NHSL1: variants seen among roughly 807,000 people sequenced by gnomAD.
NHSL1 encodes the protein NHS like 1.
A neutral mutation model predicts 95.0 loss-of-function variants in NHSL1; 48 were observed. The ratio of observed to expected loss-of-function variants is 0.51; its 90% CI spans 0.40 to 0.64. NHSL1 has a LOEUF of 0.64. Among genes scored for constraint, NHSL1 ranks in the 30% least tolerant of loss-of-function variants. The pLI, the probability that NHSL1 is intolerant of heterozygous loss-of-function variation, is 0.00. For synonymous variants in NHSL1, 783 were observed against 833.9 expected (o/e 0.94, Z 1.05); for missense variants, 1,971 against 2,077.7 (o/e 0.95, Z 1.00).
intron 1 of NHSL1, among the ~76,000 whole-genome samples, chr6:138,653,477 C>T (rs1785117832): frequency 6.6e-6 from 1 of 152,054 alleles, no homozygotes; most frequent in Non-Finnish European, 1.5e-5. Flanking sequence ...TCACTTGAAC[C>T]CAGGAGGCGG....
Position 138,650,693 on chromosome 6 carries a change from G to C in NHSL1, c.96+41783C>G, listed in dbSNP as rs529847906. 108 of 553,828 alleles carry C rather than the reference G, an allele frequency of 2.0e-4. 2 individuals carry two copies. Among genetic ancestry groups the C allele is most frequent in the South Asian group, 1.5e-3 (106 of 71,346 alleles). 34.3% of individuals were successfully genotyped at this position (553,828 alleles called of 1,614,324 possible). A position where few individuals can be genotyped will look rare whatever the true frequency, so the allele number is the denominator to read the frequency against. On this transcript the variant is annotated intron_variant, in intron 1 of 3. Transcript: ENST00000491526. ...TCCAGCACATTGAGATGACATGCAGGGGGTGGGTCAACATGCGGGACACGC... is the reference window on the plus strand; with the variant it reads ...TCCAGCACATTGAGATGACATGCAGCGGGTGGGTCAACATGCGGGACACGC...
At chr6:138,475,973 A>G (rs1779044360) in intron 2 of NHSL1, among the ~76,000 whole-genome samples, 1 of 152,160 alleles carries the variant, frequency 6.6e-6, no homozygotes, top group Admixed American at 6.5e-5. Flanking sequence ...AAAAAACAAA[A>G]CAAAACAAAA....
chr6:138,546,510 G>A (rs1782808359), upstream of NHSL1, among the ~76,000 whole-genome samples: 1 of 151,060 alleles, frequency 6.6e-6, no homozygotes, highest in Non-Finnish European at 1.5e-5. Flanking sequence ...TTGGGAGGCT[G>A]AGGAGGGAGG....
Position 138,424,428 on chromosome 6 carries a change from A to ATGT in NHSL1, c.4473_4474insACA (p.Ser1491_Phe1492insThr), listed in dbSNP as rs946227456. On this transcript the variant is annotated inframe_insertion, in exon 8 of 8. Coordinates refer to ENST00000343505, the MANE Select transcript of NHSL1 (RefSeq NM_001144060.2). The surrounding 1 kb of genome is among the most constrained non-coding windows in gnomAD (Gnocchi z 5.9). ...CTGCGGCCGTACCTGGGGCCGGAAA[A>ATGT]GGACAGACTCCGAGGCATCAAGCCT... 7 of 1,550,174 alleles carry ATGT rather than the reference A, an allele frequency of 4.5e-6. No homozygotes were observed. In the Admixed American group the frequency reaches 7.9e-5, roughly 17 times the overall value.
chr6:138,464,263 C>A (rs1562296629), intron 3 of NHSL1: 7 of 806,298 alleles, frequency 8.7e-6, no homozygotes, highest in Non-Finnish European at 1.4e-5. Flanking sequence ...TCCTCTCTGC[C>A]CACTTCCTGC....
intron 1 of NHSL1, among the ~76,000 whole-genome samples, chr6:138,627,343 A>G (rs111364193): frequency 7.2e-5 from 11 of 152,338 alleles, no homozygotes; most frequent in African/African-American, 2.4e-4. Context: ...AATAGTACTT[A>G]ATAGAATGTT....
At chr6:138,578,551 G>C (rs532386826) in intron 1 of NHSL1, among the ~76,000 whole-genome samples, 1 of 152,124 alleles carries the variant, frequency 6.6e-6, no homozygotes, top group African/African-American at 2.4e-5. Flanking sequence ...AGAAGACCAA[G>C]GGCAAACTTA....
intron 1 of NHSL1, chr6:138,512,444 T>C (rs1781275441): frequency 2.7e-6 from 1 of 371,082 alleles, no homozygotes; most frequent in South Asian, 2.1e-5. Flanking sequence ...CTCCCTCTTC[T>C]TCTTCGTTAA....
intron 1 of NHSL1, among the ~76,000 whole-genome samples, chr6:138,672,132 T>C (rs1458726769): frequency 6.6e-6 from 1 of 152,204 alleles, no homozygotes; most frequent in Non-Finnish European, 1.5e-5. Context: ...CACTGGCTCA[T>C]GCCCAGTGCT....
chr6:138,571,290 G>A (rs1295834698), intron 1 of NHSL1, among the ~76,000 whole-genome samples: 4 of 152,192 alleles, frequency 2.6e-5, no homozygotes, highest in African/African-American at 9.7e-5. Context: ...GAAGAAGGAT[G>A]CAAGAAGACT....
chr6:138,433,174 C>T lies in NHSL1; in HGVS notation c.1171G>A (p.Glu391Lys), dbSNP rs559527947. The T allele has an allele frequency of 1.0e-5, 16 of 1,551,184 alleles. No homozygotes were observed. Among genetic ancestry groups the T allele is most frequent in the Middle Eastern group, 1.7e-4 (1 of 6,014 alleles). The change falls in exon 6 of 8, where the codon GAG becomes AAG. Residue 391 changes from glutamate (E) to lysine (K), a missense_variant. Coordinates refer to ENST00000343505, the MANE Select transcript of NHSL1 (RefSeq NM_001144060.2). ...RPKSQELRHF[E>K]SENIMSPACV... ...GCTGGGCTCATTATATTTTCACTCT[C>T]GAAGTGTCTCAACTCCTGGGATTTG...
intron 1 of NHSL1, among the ~76,000 whole-genome samples, chr6:138,619,055 T>C (rs1165778545): frequency 1.3e-5 from 2 of 152,138 alleles, no homozygotes; most frequent in Non-Finnish European, 2.9e-5. Context: ...TGAAAAATGT[T>C]GGCCAGGTGC....
At chr6:138,648,736 C>A (rs1253952840) in intron 1 of NHSL1, among the ~76,000 whole-genome samples, 1 of 152,168 alleles carries the variant, frequency 6.6e-6, no homozygotes, top group Non-Finnish European at 1.5e-5. Context: ...TCTTGGAGCC[C>A]TCACTGTAAC....
At chr6:138,464,652 C>T (rs996867589) in intron 3 of NHSL1, among the ~76,000 whole-genome samples, 23 of 151,052 alleles carry the variant, frequency 1.5e-4, no homozygotes, top group African/African-American at 4.2e-4. Flanking sequence ...TGTGTGTTTT[C>T]GCTGTTTGGA....
intron 1 of NHSL1, among the ~76,000 whole-genome samples, chr6:138,632,040 G>T (rs889956581): frequency 3.3e-5 from 5 of 152,300 alleles, no homozygotes; most frequent in African/African-American, 1.2e-4. Context: ...CTAGCTCACT[G>T]AAGAGCCTTT....
At chr6:138,569,904 C>T (rs753287139) in intron 1 of NHSL1, among the ~76,000 whole-genome samples, 3 of 152,012 alleles carry the variant, frequency 2.0e-5, no homozygotes, top group Admixed American at 2.0e-4. Flanking sequence ...CATAAACTTA[C>T]ACCCTGTATT....
rs1198870551 is a variant in NHSL1, at chr6:138,496,387, T to A, written c.59-16A>T. On this transcript the variant is annotated splice_polypyrimidine_tract_variant and intron_variant, in intron 1 of 7. Transcript: ENST00000343505. ...TTGGAAACCGCTATAGAAAAAAAGA[T>A]AGAATACATTCAGGTGTCAACTTCA... 6.5e-7 allele frequency: 1 copy of A among 1,549,560 alleles called. No homozygotes were observed. The highest frequency in any genetic ancestry group is 8.7e-7 in the Non-Finnish European group (1 of 1,146,672).
intron 3 of NHSL1, among the ~76,000 whole-genome samples, chr6:138,461,201 G>C (rs1303097405): frequency 2.6e-5 from 4 of 152,076 alleles, no homozygotes; most frequent in Non-Finnish European, 5.9e-5. Context: ...ATTTGGACAA[G>C]TTTGAGATAC....
At chr6:138,456,126 A>G (rs1277923446) in intron 3 of NHSL1, among the ~76,000 whole-genome samples, 1 of 152,244 alleles carries the variant, frequency 6.6e-6, no homozygotes, top group East Asian at 1.9e-4. Flanking sequence ...TCGAAACCAG[A>G]ACACCTCTGA....
Sources: allele counts gnomAD v4.1 joint callset (sites outside exome capture counted in the v4.1 genomes callset), GRCh38; gene constraint gnomAD v4.1.1; non-coding constraint Gnocchi (gnomAD v3.1); transcripts MANE v1.5; gene names NCBI Gene and HGNC (gene_info 2026-07-23, HGNC 2026-07-21).